The following OTOGL variants were observed in gnomAD, a reference collection of about 807,000 sequenced individuals.
The protein encoded by OTOGL is otogelin like.
In OTOGL, 285 loss-of-function variants were observed where a neutral mutation model predicts 318.5. The ratio of observed to expected loss-of-function variants is 0.89; its 90% CI spans 0.81 to 0.99. OTOGL has a LOEUF of 0.99. Ranked by LOEUF, OTOGL falls within the 50% of genes least tolerant of loss-of-function variation. The pLI is 0.00. For missense variants in OTOGL, 2,899 were observed against 2,845.6 expected, an observed-to-expected ratio of 1.02 and a Z score of -0.43; for synonymous variants, 987 against 936.5, an observed-to-expected ratio of 1.05 and a Z score of -0.99.
chr12:80,118,818 A>G (rs1870317296), intron 1 of OTOGL, among the ~76,000 whole-genome samples: 1 of 151,976 alleles, frequency 6.6e-6, no homozygotes, highest in Non-Finnish European at 1.5e-5. Context: ...TCTGACTGAG[A>G]GAGGTCCTAA....
At chr12:80,114,381 TGG>T (rs1207823952) in intron 1 of OTOGL, among the ~76,000 whole-genome samples, 1 of 152,232 alleles carries the variant, frequency 6.6e-6, no homozygotes, top group Non-Finnish European at 1.5e-5. Flanking sequence ...AAGCTTAGTT[TGG>T]CTGGATATGA....
chr12:80,347,073 G>A (rs935901807), intron 44 of OTOGL, among the ~76,000 whole-genome samples: 3 of 151,960 alleles, frequency 2.0e-5, no homozygotes, highest in Non-Finnish European at 2.9e-5. Context: ...CAATGACAAA[G>A]CTTTATAATT....
At chr12:80,145,554 G>T (rs11114331) in intron 1 of OTOGL, among the ~76,000 whole-genome samples, 69,147 of 150,228 alleles carry the variant, frequency 0.46, 15,990 homozygotes, top group East Asian at 0.49. Flanking sequence ...CTTTTTTGGT[G>T]CCATATGAAC....
At chr12:80,161,671 C>T (rs1014002230) in intron 1 of OTOGL, among the ~76,000 whole-genome samples, 2 of 152,030 alleles carry the variant, frequency 1.3e-5, no homozygotes, top group Admixed American at 6.6e-5. Flanking sequence ...AAGAACGGTG[C>T]TACCGTTAGT....
At chr12:80,122,233 A>G (rs1042470758) in intron 1 of OTOGL, among the ~76,000 whole-genome samples, 2 of 152,088 alleles carry the variant, frequency 1.3e-5, no homozygotes, top group African/African-American at 4.8e-5. Context: ...TAGTTCTAGG[A>G]TAAAATTCCA....
At chr12:80,334,213 A>G (rs577876983) in intron 38 of OTOGL, among the ~76,000 whole-genome samples, 1 of 152,262 alleles carries the variant, frequency 6.6e-6, no homozygotes, top group South Asian at 2.1e-4. Flanking sequence ...TGGATCCTGG[A>G]TATATTTTGA....
In OTOGL at chr12:80,368,288, T is replaced by G; in HGVS notation, c.6594T>G (p.Asn2198Lys). The stretch of plus-strand genomic sequence containing the variant: ...TATCCTGCAAATTTCACATGGAAAA[T>G]GGAACATCAGTTGTATACGCGGTAT... ...KNVSCKFHMENGTSVVYAVGS... is the reference protein window; with the variant it reads ...KNVSCKFHMEKGTSVVYAVGS... The change falls in exon 55 of 59, where the codon AAT becomes AAG. Residue 2198 changes from asparagine to lysine, a missense_variant. Coordinates refer to ENST00000547103, the MANE Select transcript of OTOGL (RefSeq NM_001378609.3). 6.3e-7 allele frequency: 1 copy of G among 1,594,196 alleles called. No homozygotes were observed. Among genetic ancestry groups the G allele is most frequent in the Non-Finnish European group, 8.6e-7 (1 of 1,167,580 alleles).
intron 53 of OTOGL, among the ~76,000 whole-genome samples, chr12:80,366,852 TA>T (rs1890573152): frequency 6.6e-6 from 1 of 151,912 alleles, no homozygotes; most frequent in South Asian, 2.1e-4. Context: ...GAAATATAAA[TA>T]TTTTTTCAGA....
intron 1 of OTOGL, among the ~76,000 whole-genome samples, chr12:80,104,723 A>G (rs1869351992): frequency 6.6e-6 from 1 of 152,178 alleles, no homozygotes; most frequent in African/African-American, 2.4e-5. Context: ...CAAAAGATTT[A>G]GTAAGGATTG....
intron 1 of OTOGL, among the ~76,000 whole-genome samples, chr12:80,165,425 G>C (rs1189069680): frequency 6.6e-6 from 1 of 152,188 alleles, no homozygotes; most frequent in East Asian, 1.9e-4. Flanking sequence ...TGTGTGTACA[G>C]AGATATATGA....
intron 1 of OTOGL, among the ~76,000 whole-genome samples, chr12:80,189,719 G>A (rs776907712): frequency 1.8e-4 from 27 of 152,194 alleles, no homozygotes; most frequent in Non-Finnish European, 3.2e-4. Context: ...TGCAGGCTAA[G>A]TTTGAGAATG....
At chr12:80,377,631 T>C (rs1180693367) in intron 58 of OTOGL, among the ~76,000 whole-genome samples, 2 of 152,174 alleles carry the variant, frequency 1.3e-5, no homozygotes, top group Admixed American at 6.6e-5. Context: ...GCACATTTAA[T>C]GCTTTGAATG....
rs1817668869 is a variant in OTOGL, at chr12:80,255,076, C to G, written c.1478C>G (p.Thr493Ser). The change falls in exon 16 of 59, where the codon ACT becomes AGT. Residue 493 changes from threonine (T) to serine (S), a missense_variant. Coordinates refer to ENST00000547103, the MANE Select transcript of OTOGL (RefSeq NM_001378609.3). ...GTTGTAGGTGATTCTCACTTTACAA[C>G]TTTTGATGGTCGACATTATTCTTTT... ...CSVVGDSHFT[T>S]FDGRHYSFIG... 1.3e-6 allele frequency: 2 copies of G among 1,518,182 alleles called. No individual in the cohort carries two copies. Among genetic ancestry groups the G allele is most frequent in the Non-Finnish European group, 1.8e-6 (2 of 1,136,028 alleles). 94.0% of individuals were successfully genotyped at this position (1,518,182 alleles called of 1,614,324 possible).
chr12:80,162,764 C>A (rs1470227199), intron 1 of OTOGL, among the ~76,000 whole-genome samples: 1 of 152,064 alleles, frequency 6.6e-6, no homozygotes, highest in Admixed American at 6.6e-5. Flanking sequence ...TCTGTAAAGA[C>A]TATACCTTCA....
At chr12:80,272,734 C>T (rs949487443) in intron 24 of OTOGL, among the ~76,000 whole-genome samples, 3 of 152,032 alleles carry the variant, frequency 2.0e-5, no homozygotes, top group Admixed American at 6.6e-5. Context: ...TCGCATTTGT[C>T]TAAATGGCCC....
At chr12:80,345,237 A>ATTTTT (rs1566001420) in intron 44 of OTOGL, among the ~76,000 whole-genome samples, 1 of 138,606 alleles carries the variant, frequency 7.2e-6, no homozygotes, top group African/African-American at 2.7e-5. Context: ...TTATATATAT[A>ATTTTT]TATTTTTTTG....
intron 32 of OTOGL, among the ~76,000 whole-genome samples, chr12:80,314,543 A>T (rs1487747709): frequency 1.3e-5 from 2 of 152,106 alleles, no homozygotes; most frequent in Non-Finnish European, 2.9e-5. Flanking sequence ...TGTGTAACTT[A>T]AGTTCTCAGA....
Position 80,380,531 on chromosome 12 carries a change from C to T in OTOGL, c.*2483C>T, listed in dbSNP as rs1200994877. 2 of 151,960 alleles carry T rather than the reference C, an allele frequency of 1.3e-5. No individual in the cohort carries two copies. Among genetic ancestry groups the T allele is most frequent in the Non-Finnish European group, 2.9e-5 (2 of 67,938 alleles). 9.4% of individuals were successfully genotyped at this position (151,960 alleles called of 1,614,324 possible). A position where few individuals can be genotyped will look rare whatever the true frequency, so the allele number is the denominator to read the frequency against. On this transcript the variant is annotated 3_prime_UTR_variant, in exon 59 of 59. Coordinates refer to ENST00000547103, the MANE Select transcript of OTOGL (RefSeq NM_001378609.3). ...TTAACAAAAAAGATAACTGAGCACA[C>T]TTCTAGCTAATAAAAAATATTTCAC... is the stretch of plus-strand genomic sequence containing the variant.
At position 80,296,943 on chromosome 12, in the gene OTOGL, T is replaced by G. The variant is rs1358191542; in HGVS notation, c.3045T>G (p.Asn1015Lys). ...TTGGGGACACTGAAATTTACCTGAA[T>G]GATACTCCTTACAAACAGGTTAGTG... ...ISVGDTEIYLNDTPYKQKQSG... is the reference protein window; with the variant it reads ...ISVGDTEIYLKDTPYKQKQSG... The change falls in exon 27 of 59, where the codon AAT becomes AAG. Residue 1015 changes from asparagine (N) to lysine (K), a missense_variant. Asn to Lys is a moderately conservative substitution (Grantham distance 94, BLOSUM62 0). Coordinates refer to ENST00000547103, the MANE Select transcript of OTOGL (RefSeq NM_001378609.3). The G allele has an allele frequency of 6.4e-7, 1 of 1,551,992 alleles. No homozygotes were observed. The highest frequency in any genetic ancestry group is 8.7e-7 in the Non-Finnish European group (1 of 1,151,010).
Sources: allele counts gnomAD v4.1 joint callset (sites outside exome capture counted in the v4.1 genomes callset), GRCh38; gene constraint gnomAD v4.1.1; transcripts MANE v1.5; gene names NCBI Gene and HGNC (gene_info 2026-07-23, HGNC 2026-07-21).